SYN3: variants seen among roughly 807,000 people sequenced by gnomAD.
The protein encoded by SYN3 is synapsin III.
Under a neutral mutation model 65.8 loss-of-function variants are expected in SYN3, and 35 were observed. That is an observed-to-expected ratio of 0.53 (90% CI 0.41 to 0.70). The LOEUF is 0.70. SYN3 is among the 30% of genes least tolerant of loss of function. The probability of loss-of-function intolerance (pLI) is 0.00; values close to 1 mark genes in which losing one functional copy is unlikely to be tolerated. For synonymous variants in SYN3, 270 were observed against 292.9 expected, an observed-to-expected ratio of 0.92 and a Z score of 0.80; for missense variants, 680 against 749.0, an observed-to-expected ratio of 0.91 and a Z score of 1.08.
chr22:32,696,118 G>C (rs1050865136), intron 6 of SYN3, among the ~76,000 whole-genome samples: 1 of 152,200 alleles, frequency 6.6e-6, no homozygotes, highest in African/African-American at 2.4e-5. Flanking sequence ...TGGTCAGCAG[G>C]TAGATGCCAT....
intron 1 of SYN3, among the ~76,000 whole-genome samples, chr22:33,053,252 G>A (rs2054201011): frequency 6.6e-6 from 1 of 152,066 alleles, no homozygotes; most frequent in Non-Finnish European, 1.5e-5. Context: ...GTGAAACCCC[G>A]TTTCCACTAA....
rs117913131 is a variant in SYN3 at position 32,644,527 on chromosome 22, G to A, written c.712-47791C>T. Among the ~76,000 whole-genome samples the A allele has an allele frequency of 6.6e-3, 1,010 of 152,236 alleles. 8 individuals carry two copies. Among genetic ancestry groups the A allele is most frequent in the Non-Finnish European group, 0.011 (727 of 68,012 alleles). On this transcript the variant is annotated intron_variant, in intron 6 of 13. Coordinates refer to ENST00000358763, the MANE Select transcript of SYN3 (RefSeq NM_003490.4). ...CTCCACGCAACCCTCCCAAATAAACGCCTTCCAGCCCAGACAAGCAGGAAG... is the reference window on the plus strand; with the variant it reads ...CTCCACGCAACCCTCCCAAATAAACACCTTCCAGCCCAGACAAGCAGGAAG...
At chr22:32,696,138 C>A (rs897902419) in intron 6 of SYN3, among the ~76,000 whole-genome samples, 3 of 152,200 alleles carry the variant, frequency 2.0e-5, no homozygotes, top group Admixed American at 1.3e-4. Context: ...TATGGTGAGT[C>A]AGAGGACTGG....
At chr22:32,809,582 T>G (rs1292404621) in intron 6 of SYN3, among the ~76,000 whole-genome samples, 3 of 152,254 alleles carry the variant, frequency 2.0e-5, no homozygotes, top group Admixed American at 1.3e-4. Context: ...TTTGGAACAG[T>G]TATCCGACAC....
chr22:32,577,188 C>T (rs1319479374), intron 7 of SYN3, among the ~76,000 whole-genome samples: 4 of 152,184 alleles, frequency 2.6e-5, no homozygotes, highest in Admixed American at 6.5e-5. Flanking sequence ...ATCGCTGCTT[C>T]CCCCCATTCT....
intron 6 of SYN3, among the ~76,000 whole-genome samples, chr22:32,704,434 A>G (rs554471946): frequency 6.6e-6 from 1 of 152,320 alleles, no homozygotes; most frequent in South Asian, 2.1e-4. Flanking sequence ...TCCATGGTGT[A>G]TATGTACATT....
At chr22:32,985,042 C>T (rs1300983795) in intron 2 of SYN3, among the ~76,000 whole-genome samples, 4 of 152,224 alleles carry the variant, frequency 2.6e-5, no homozygotes, top group Non-Finnish European at 5.9e-5. Context: ...TCAGGGCATA[C>T]AGCCTGGATA....
At chr22:32,805,343 C>T (rs1164282338) in intron 6 of SYN3, among the ~76,000 whole-genome samples, 1 of 152,132 alleles carries the variant, frequency 6.6e-6, no homozygotes, top group African/African-American at 2.4e-5. Flanking sequence ...CTGAGGTTGT[C>T]GTTTTAGCAA....
intron 1 of SYN3, among the ~76,000 whole-genome samples, chr22:33,055,362 T>G (rs2054237923): frequency 6.6e-6 from 1 of 152,216 alleles, no homozygotes; most frequent in African/African-American, 2.4e-5. Context: ...ATAGCCTCCA[T>G]TCCTCCACCT....
chr22:32,816,228 C>G (rs527965848), intron 6 of SYN3, among the ~76,000 whole-genome samples: 15 of 152,198 alleles, frequency 9.9e-5, no homozygotes, highest in Middle Eastern at 3.4e-3. Context: ...GGGGGGAGGC[C>G]AGAGGATTAA....
At chr22:33,016,849 T>C (rs1171069325) in intron 1 of SYN3, among the ~76,000 whole-genome samples, 1 of 152,088 alleles carries the variant, frequency 6.6e-6, no homozygotes, top group Non-Finnish European at 1.5e-5. Flanking sequence ...TCCCAATCTC[T>C]GGGTTGCATC....
chr22:32,846,885 C>A (rs915052500), intron 6 of SYN3, among the ~76,000 whole-genome samples: 1 of 152,146 alleles, frequency 6.6e-6, no homozygotes, highest in African/African-American at 2.4e-5. Context: ...ACTGAACTAT[C>A]CTCAGATGAA....
At chr22:32,852,452 AAGAG>A (rs573424402) in intron 6 of SYN3, among the ~76,000 whole-genome samples, 1 of 152,136 alleles carries the variant, frequency 6.6e-6, no homozygotes, top group Non-Finnish European at 1.5e-5. Flanking sequence ...TGTAGGAGGG[AAGAG>A]AGAGAGGCCA....
At chr22:32,977,296 A>G (rs2052227581) in intron 3 of SYN3, among the ~76,000 whole-genome samples, 1 of 152,146 alleles carries the variant, frequency 6.6e-6, no homozygotes, top group African/African-American at 2.4e-5. Flanking sequence ...CTGCTCATAG[A>G]TTTTGTACTG....
At chr22:32,841,511 C>G (rs1158864457) in intron 6 of SYN3, among the ~76,000 whole-genome samples, 2 of 152,098 alleles carry the variant, frequency 1.3e-5, no homozygotes, top group Non-Finnish European at 2.9e-5. Flanking sequence ...TTAAGAAGGC[C>G]ATGAGAGCCC....
intron 1 of SYN3, among the ~76,000 whole-genome samples, chr22:33,015,789 A>C (rs2053452799): frequency 6.6e-6 from 1 of 151,262 alleles, no homozygotes; most frequent in Admixed American, 6.6e-5. Flanking sequence ...TTATTTTTCC[A>C]TTTTACTGAC....
intron 1 of SYN3, among the ~76,000 whole-genome samples, chr22:33,046,293 G>A (rs2054063474): frequency 6.6e-6 from 1 of 152,190 alleles, no homozygotes; most frequent in East Asian, 1.9e-4. Context: ...TTCTTATAAA[G>A]TTAAATGTAA....
intron 6 of SYN3, among the ~76,000 whole-genome samples, chr22:32,667,649 G>A (rs2060306456): frequency 6.6e-6 from 1 of 152,108 alleles, no homozygotes; most frequent in Non-Finnish European, 1.5e-5. Context: ...ACTTTAGTAT[G>A]TGTTCATTTT....
chr22:32,614,521 G>C (rs2059488283), intron 6 of SYN3, among the ~76,000 whole-genome samples: 1 of 152,184 alleles, frequency 6.6e-6, no homozygotes, highest in South Asian at 2.1e-4. Flanking sequence ...CCCTTGAGTG[G>C]ACAGGGGGAT....
Sources: gnomAD v4.1 joint callset for allele counts (sites outside exome capture counted in the v4.1 genomes callset) on GRCh38, gnomAD v4.1.1 for gene constraint, MANE v1.5 for transcripts, NCBI Gene and HGNC (gene_info 2026-07-23, HGNC 2026-07-21) for gene names.